EXOC4: variants seen among roughly 807,000 people sequenced by gnomAD.
EXOC4 encodes the protein exocyst complex component 4.
EXOC4 carries 71 observed loss-of-function variants against 107.2 expected under a neutral mutation model. That is an observed-to-expected ratio of 0.66 (90% CI 0.55 to 0.81). The LOEUF is 0.81. Ranked by LOEUF, EXOC4 falls within the 30% of genes least tolerant of loss-of-function variation. The pLI is 0.00. For synonymous variants in EXOC4, 456 were observed against 441.2 expected (o/e 1.03, Z -0.42); for missense variants, 1,108 against 1,189.6 (o/e 0.93, Z 1.01).
intron 10 of EXOC4, among the ~76,000 whole-genome samples, chr7:133,775,924 A>G (rs1796335656): frequency 6.6e-6 from 1 of 152,234 alleles, no homozygotes; most frequent in South Asian, 2.1e-4. Context: ...CGATGCTAGA[A>G]GGAAACCACA....
intron 5 of EXOC4, among the ~76,000 whole-genome samples, chr7:133,336,716 TTTATTTTATTTA>T (rs1795523082): frequency 2.3e-5 from 1 of 42,740 alleles, no homozygotes; most frequent in South Asian, 1.8e-3. Flanking sequence ...TTTATTTTAT[TTTATTTTATTTA>T]TTTTATTTTA....
chr7:133,340,439 T>G (rs1795634458), intron 5 of EXOC4, among the ~76,000 whole-genome samples: 2 of 143,490 alleles, frequency 1.4e-5, no homozygotes, highest in African/African-American at 5.3e-5. Flanking sequence ...TTTTTTTTTT[T>G]GAGGATTTTT....
At chr7:133,580,093 T>C (rs1473484135) in intron 9 of EXOC4, among the ~76,000 whole-genome samples, 5 of 152,246 alleles carry the variant, frequency 3.3e-5, no homozygotes, top group Admixed American at 6.5e-5. Flanking sequence ...CTTAGCGTAA[T>C]GTTCTCAAAG....
At chr7:133,906,377 C>T (rs1416057305) in intron 12 of EXOC4, among the ~76,000 whole-genome samples, 1 of 152,210 alleles carries the variant, frequency 6.6e-6, no homozygotes. Flanking sequence ...GGGAAGGTGA[C>T]TGCATCCACC....
intron 17 of EXOC4, among the ~76,000 whole-genome samples, chr7:134,016,451 T>A (rs1257111454): frequency 2.0e-5 from 3 of 152,160 alleles, no homozygotes; most frequent in Non-Finnish European, 4.4e-5. Flanking sequence ...AGAGAGTGCA[T>A]GATCACATAG....
chr7:133,982,529 G>A (rs1312546526), intron 14 of EXOC4, among the ~76,000 whole-genome samples: 2 of 152,182 alleles, frequency 1.3e-5, no homozygotes, highest in African/African-American at 4.8e-5. Context: ...TCCAGCTTGG[G>A]TGACAGAGTG....
chr7:133,699,581 C>T (rs148338075), intron 10 of EXOC4, among the ~76,000 whole-genome samples: 5 of 152,198 alleles, frequency 3.3e-5, no homozygotes, highest in Admixed American at 1.3e-4. Flanking sequence ...TGTAGGGTTG[C>T]GGTGGCCTTT....
Position 134,030,989 on chromosome 7 carries a change from G to C in EXOC4, c.2687+23154G>C, listed in dbSNP as rs1255013749. On this transcript the variant is annotated intron_variant, in intron 17 of 17. Transcript: ENST00000253861. ...AACACGGGTAAACCTCAAAAACATT[G>C]TGCTAAATGAGAGAAGCCAGTCAAA... Among the ~76,000 whole-genome samples the C allele has an allele frequency of 2.6e-5, 4 of 152,154 alleles. No homozygotes were observed. In the South Asian group the frequency reaches 6.2e-4, roughly 24 times the overall value.
intron 9 of EXOC4, among the ~76,000 whole-genome samples, chr7:133,541,024 A>C (rs1471665860): frequency 6.6e-6 from 1 of 152,206 alleles, no homozygotes; most frequent in Non-Finnish European, 1.5e-5. Context: ...AATAATAAGG[A>C]AAACCGTGGC....
chr7:133,803,147 T>C (rs1796988265), intron 10 of EXOC4, among the ~76,000 whole-genome samples: 2 of 152,214 alleles, frequency 1.3e-5, no homozygotes, highest in African/African-American at 4.8e-5. Flanking sequence ...AAATAAACTG[T>C]GTTAGAACTG....
At chr7:133,468,153 G>A (rs1042581556) in intron 7 of EXOC4, among the ~76,000 whole-genome samples, 17 of 152,264 alleles carry the variant, frequency 1.1e-4, no homozygotes, top group African/African-American at 3.8e-4. Context: ...TTGATCAGAT[G>A]TTCGATACAG....
intron 10 of EXOC4, among the ~76,000 whole-genome samples, chr7:133,795,644 G>A (rs1796798119): frequency 6.6e-6 from 1 of 152,090 alleles, no homozygotes; most frequent in African/African-American, 2.4e-5. Flanking sequence ...ATATGAATTT[G>A]CCTTTTCCAT....
intron 14 of EXOC4, among the ~76,000 whole-genome samples, chr7:133,960,762 G>T (rs913096667): frequency 6.6e-6 from 1 of 152,160 alleles, no homozygotes; most frequent in South Asian, 2.1e-4. Flanking sequence ...GTTCATCAGG[G>T]ATATTGCTGT....
At chr7:133,268,253 A>C (rs1007655823) in intron 1 of EXOC4, among the ~76,000 whole-genome samples, 1 of 152,222 alleles carries the variant, frequency 6.6e-6, no homozygotes, top group African/African-American at 2.4e-5. Flanking sequence ...GGTGTTTTAA[A>C]ATTCCAGAGC....
At chr7:134,062,090 T>C (rs1796073998) in intron 17 of EXOC4, among the ~76,000 whole-genome samples, 3 of 152,172 alleles carry the variant, frequency 2.0e-5, no homozygotes, top group Non-Finnish European at 4.4e-5. Context: ...GATGCCAAAA[T>C]GAACACTCGT....
intron 7 of EXOC4, among the ~76,000 whole-genome samples, chr7:133,436,742 A>C (rs570919107): frequency 6.6e-6 from 1 of 152,308 alleles, no homozygotes; most frequent in East Asian, 1.9e-4. Context: ...TATGGAATGC[A>C]CTGTGTTCTA....
In EXOC4 at chr7:133,570,187, C is replaced by T. The variant is rs1029698513; in HGVS notation, c.1418-59858C>T. Among the ~76,000 whole-genome samples the T allele has an allele frequency of 9.2e-5, 14 of 152,094 alleles. 1 individual carries two copies. Among genetic ancestry groups the T allele is most frequent in the Non-Finnish European group, 1.9e-4 (13 of 68,026 alleles). On this transcript the variant is annotated intron_variant, in intron 9 of 17. Coordinates refer to ENST00000253861, the MANE Select transcript of EXOC4 (RefSeq NM_021807.4). ...TCAATATATAATGTATAATAGATGA[C>T]CTCATGCATTTAGAGCCTCTGTACA...
intron 7 of EXOC4, among the ~76,000 whole-genome samples, chr7:133,475,029 T>A (rs1306034421): frequency 6.6e-6 from 1 of 152,172 alleles, no homozygotes; most frequent in East Asian, 1.9e-4. Context: ...TAAAGAGGAA[T>A]GTTGATTAAC....
Position 133,790,976 on chromosome 7 carries a change from A to C in EXOC4, c.1515-26349A>C, listed in dbSNP as rs1275467109. ...GATTGAATTGTCATTACAAATATCT[A>C]CTTTAGTTGTAGACGTAATTAGGTT... On this transcript the variant is annotated intron_variant, in intron 10 of 17. Coordinates refer to ENST00000253861, the MANE Select transcript of EXOC4 (RefSeq NM_021807.4). Among the ~76,000 whole-genome samples the C allele has an allele frequency of 2.0e-5, 3 of 152,340 alleles. No homozygotes were observed. The East Asian group carries it at 5.8e-4, about 29-fold the overall frequency.
Sources: gnomAD v4.1 joint callset for allele counts (sites outside exome capture counted in the v4.1 genomes callset) on GRCh38, gnomAD v4.1.1 for gene constraint, MANE v1.5 for transcripts, NCBI Gene and HGNC (gene_info 2026-07-23, HGNC 2026-07-21) for gene names.